The following DAAM1 variants were observed in gnomAD, a reference collection of about 807,000 sequenced individuals.
DAAM1 encodes the protein dishevelled associated activator of morphogenesis 1, also known as disheveled-associated activator of morphogenesis 1.
DAAM1 carries 52 observed loss-of-function variants against 130.0 expected under a neutral mutation model. That is an observed-to-expected ratio of 0.40 (90% CI 0.32 to 0.50). The LOEUF is 0.50. DAAM1 is among the 20% of genes least tolerant of loss of function. The pLI is 0.61. For missense variants in DAAM1, 1,134 were observed against 1,303.8 expected (o/e 0.87, Z 2.01); for synonymous variants, 452 against 444.5 (o/e 1.02, Z -0.21).
At chr14:59,337,917 A>G (rs1022466946) in intron 15 of DAAM1, among the ~76,000 whole-genome samples, 3 of 152,138 alleles carry the variant, frequency 2.0e-5, no homozygotes, top group African/African-American at 4.8e-5. Flanking sequence ...GATTATTTTC[A>G]TCAAAAAAAG....
chr14:59,228,567 A>T (rs1889012175), intron 1 of DAAM1, among the ~76,000 whole-genome samples: 1 of 152,192 alleles, frequency 6.6e-6, no homozygotes, highest in Non-Finnish European at 1.5e-5. Flanking sequence ...AAAGGAAAAT[A>T]CCTCTGTAGA....
At chr14:59,217,799 T>C (rs1339268467) in intron 1 of DAAM1, among the ~76,000 whole-genome samples, 2 of 151,840 alleles carry the variant, frequency 1.3e-5, no homozygotes, top group Admixed American at 1.3e-4. Context: ...GGTGAAACTC[T>C]GTCTGTACTA....
chr14:59,306,687 CT>C (rs138532767), intron 3 of DAAM1, among the ~76,000 whole-genome samples: 139 of 144,278 alleles, frequency 9.6e-4, no homozygotes, highest in Middle Eastern at 3.5e-3. Context: ...GAGTTCACAG[CT>C]TTTTTTTTTT....
At chr14:59,221,161 C>G (rs1202042165) in intron 1 of DAAM1, among the ~76,000 whole-genome samples, 1 of 152,204 alleles carries the variant, frequency 6.6e-6, no homozygotes, top group Non-Finnish European at 1.5e-5. Context: ...TATCCCTTCT[C>G]TGGAAGTGGA....
chr14:59,232,633 CTT>C (rs199972715), intron 1 of DAAM1, among the ~76,000 whole-genome samples: 1 of 146,694 alleles, frequency 6.8e-6, no homozygotes, highest in African/African-American at 2.5e-5. Context: ...AAAATTTTCT[CTT>C]TTTTTTTTTC....
At chr14:59,225,982 T>C (rs990477430) in intron 1 of DAAM1, among the ~76,000 whole-genome samples, 7 of 152,154 alleles carry the variant, frequency 4.6e-5, no homozygotes, top group South Asian at 2.1e-4. Context: ...CCCTACGACA[T>C]TGGGGCAACT....
chr14:59,347,695 T>C, intron 17 of DAAM1, 72 bp downstream of exon 17: 1 of 1,444,618 alleles, frequency 6.9e-7, no homozygotes, highest in African/African-American at 1.4e-5. Flanking sequence ...GTTGAGAACA[T>C]CCGGTTGTTG....
intron 1 of DAAM1, among the ~76,000 whole-genome samples, chr14:59,212,461 T>G (rs952894546): frequency 6.6e-6 from 1 of 152,236 alleles, no homozygotes; most frequent in Admixed American, 6.5e-5. Context: ...CCGAGTCAAG[T>G]TAGAACACAG....
At chr14:59,320,653 CCTT>C (rs1221245386) in intron 5 of DAAM1, 69 bp downstream of exon 5, 4 of 1,138,974 alleles carry the variant, frequency 3.5e-6, no homozygotes, top group Non-Finnish European at 5.0e-6. Context: ...AATAGTCAAA[CCTT>C]CTAGGAAGTC....
At chr14:59,287,317 A>G (rs926496475) in intron 2 of DAAM1, among the ~76,000 whole-genome samples, 1 of 152,224 alleles carries the variant, frequency 6.6e-6, no homozygotes, top group African/African-American at 2.4e-5. Context: ...ACAAACCCAC[A>G]GCCAGCATCA....
At chr14:59,270,327 G>T (rs1211956618) in intron 2 of DAAM1, among the ~76,000 whole-genome samples, 1 of 152,210 alleles carries the variant, frequency 6.6e-6, no homozygotes, top group East Asian at 1.9e-4. Context: ...CATGGTGGAG[G>T]CAAAGAAAAG....
At chr14:59,298,430 C>T (rs181184777) in intron 3 of DAAM1, among the ~76,000 whole-genome samples, 3 of 152,180 alleles carry the variant, frequency 2.0e-5, no homozygotes, top group East Asian at 1.9e-4. Flanking sequence ...TTTTAAGCAC[C>T]GTTTACCTGT....
At chr14:59,243,840 G>A (rs1293545709) in intron 1 of DAAM1, among the ~76,000 whole-genome samples, 1 of 152,136 alleles carries the variant, frequency 6.6e-6, no homozygotes, top group Non-Finnish European at 1.5e-5. Flanking sequence ...GAATGGAAGT[G>A]GAAATCTGGC....
chr14:59,354,904 C>T (rs1203303518), intron 19 of DAAM1, among the ~76,000 whole-genome samples: 1 of 152,188 alleles, frequency 6.6e-6, no homozygotes, highest in African/African-American at 2.4e-5. Context: ...ACTGATGAGT[C>T]AGCCAAGAAA....
chr14:59,230,188 C>A (rs1889059510), intron 1 of DAAM1, among the ~76,000 whole-genome samples: 1 of 152,084 alleles, frequency 6.6e-6, no homozygotes. Context: ...CCTCAGGTGG[C>A]TGCAATGGAA....
At chr14:59,247,284 T>C in intron 1 of DAAM1, among the ~76,000 whole-genome samples, 1 of 152,220 alleles carries the variant, frequency 6.6e-6, no homozygotes, top group East Asian at 1.9e-4. Flanking sequence ...CTGTTTTGAT[T>C]ACTGTACTTT....
chr14:59,212,958 G>T (rs1888471157), intron 1 of DAAM1, among the ~76,000 whole-genome samples: 1 of 151,928 alleles, frequency 6.6e-6, no homozygotes, highest in South Asian at 2.1e-4. Context: ...GGAAAAATAG[G>T]CATGTGTATA....
Position 59,333,677 on chromosome 14 carries a change from C to G in DAAM1, c.1968+1757C>G, listed in dbSNP as rs151123899. ...GTTGCCTAATATGAAGATTTGAGAACGTAGAGAAGTAAATTAAAGGAAGGA... is the reference window on the plus strand; with the variant it reads ...GTTGCCTAATATGAAGATTTGAGAAGGTAGAGAAGTAAATTAAAGGAAGGA... On this transcript the variant is annotated intron_variant, in intron 15 of 24. Transcript: ENST00000360909. Among the ~76,000 whole-genome samples, 4 of 152,202 alleles carry G rather than the reference C, an allele frequency of 2.6e-5. No individual in the cohort carries two copies. The East Asian group carries it at 7.7e-4, about 29-fold the overall frequency.
At position 59,325,997 on chromosome 14, in the gene DAAM1, A is replaced by T; in HGVS notation, c.1094A>T (p.Glu365Val). The change falls in exon 10 of 25, where the codon GAG becomes GTG. Residue 365 changes from glutamate (E) to valine (V), a missense_variant. Coordinates refer to ENST00000360909, the MANE Select transcript of DAAM1 (RefSeq NM_001270520.2). Reference protein sequence around the residue: ...IDTKSATQMFELTRKRLTHSE... With the variant: ...IDTKSATQMFVLTRKRLTHSE... ...ACAAAAAGTGCAACTCAGATGTTTG[A>T]GCTGACCAGGAAGAGGCTGACACAT... 1 of 1,614,236 alleles carries T rather than the reference A, an allele frequency of 6.2e-7. No homozygotes were observed. The highest frequency in any genetic ancestry group is 1.1e-5 in the South Asian group (1 of 91,088).
Sources: gnomAD v4.1 joint callset for allele counts (sites outside exome capture counted in the v4.1 genomes callset) on GRCh38, gnomAD v4.1.1 for gene constraint, MANE v1.5 for transcripts, NCBI Gene and HGNC (gene_info 2026-07-23, HGNC 2026-07-21) for gene names.